The following HOMER1 variants were observed in gnomAD, a reference collection of about 807,000 sequenced individuals.
HOMER1 encodes the protein homer scaffold protein 1.
In HOMER1, 3 loss-of-function variants were observed where a neutral mutation model predicts 48.9. The ratio of observed to expected loss-of-function variants is 0.06; its 90% CI spans 0.03 to 0.16. The LOEUF is 0.16. HOMER1 is among the 10% of genes least tolerant of loss of function. HOMER1 has a pLI of 1.00. For synonymous variants in HOMER1, 134 were observed against 146.4 expected, an observed-to-expected ratio of 0.92 and a Z score of 0.61; for missense variants, 247 against 411.4, an observed-to-expected ratio of 0.60 and a Z score of 3.46.
chr5:79,490,946 T>C (rs376880477), intron 1 of HOMER1, among the ~76,000 whole-genome samples: 8 of 145,706 alleles, frequency 5.5e-5, no homozygotes, highest in African/African-American at 1.6e-4. Flanking sequence ...AGTAAATAAA[T>C]AGATAAATAG....
rs192888861 is a variant in HOMER1 at position 79,470,811 on chromosome 5, C to A, written c.6-13793G>T. Among the ~76,000 whole-genome samples the A allele has an allele frequency of 2.0e-5, 3 of 152,096 alleles. 1 individual carries two copies. The highest frequency in any genetic ancestry group is 2.0e-4 in the Admixed American group (3 of 15,264). ...ATGCATATCAAAAGCCACTATATAG[C>A]CATGAGAAAACAAAGTTGTAGCATA... is the stretch of plus-strand genomic sequence containing the variant. On this transcript the variant is annotated intron_variant, in intron 1 of 8. Transcript: ENST00000334082.
chr5:79,386,773 A>G (rs1397485700), intron 8 of HOMER1, among the ~76,000 whole-genome samples: 2 of 152,226 alleles, frequency 1.3e-5, no homozygotes, highest in Non-Finnish European at 2.9e-5. Context: ...AAACAAAGGC[A>G]AAAACAAAGT....
In HOMER1 at chr5:79,374,252, G is replaced by A. The variant is rs1186387373; in HGVS notation, c.*1757C>T. On this transcript the variant is annotated 3_prime_UTR_variant, in exon 9 of 9. Coordinates refer to ENST00000334082, the MANE Select transcript of HOMER1 (RefSeq NM_004272.5). Reference sequence around the variant, plus strand: ...TAAATTATTCTCCCTATAATATATAGGTGAGGAAAATATCCTAAAATAGAT... The same window carrying A: ...TAAATTATTCTCCCTATAATATATAAGTGAGGAAAATATCCTAAAATAGAT... The A allele has an allele frequency of 6.6e-6, 1 of 152,254 alleles. No homozygotes were observed. The highest frequency in any genetic ancestry group is 1.5e-5 in the Non-Finnish European group (1 of 67,826). 9.4% of individuals were successfully genotyped at this position (152,254 alleles called of 1,614,324 possible).
chr5:79,415,052 T>C (rs1378349925), intron 5 of HOMER1, among the ~76,000 whole-genome samples: 1 of 151,952 alleles, frequency 6.6e-6, no homozygotes, highest in Non-Finnish European at 1.5e-5. Context: ...GTAGAATAGT[T>C]TCTTGGTTTT....
intron 8 of HOMER1, among the ~76,000 whole-genome samples, chr5:79,391,015 T>A (rs1293529988): frequency 6.6e-6 from 1 of 151,738 alleles, no homozygotes; most frequent in East Asian, 1.9e-4. Context: ...TAAATCCCCT[T>A]TCAAAATGCT....
chr5:79,498,670 T>C (rs2112369217), intron 1 of HOMER1, among the ~76,000 whole-genome samples: 1 of 152,296 alleles, frequency 6.6e-6, no homozygotes, highest in South Asian at 2.1e-4. Flanking sequence ...CATAAGAGTT[T>C]GAAAGCTCTG....
At chr5:79,379,956 A>T (rs1418178134) in intron 8 of HOMER1, among the ~76,000 whole-genome samples, 1 of 152,198 alleles carries the variant, frequency 6.6e-6, no homozygotes, top group African/African-American at 2.4e-5. Flanking sequence ...GCTGACTAGA[A>T]GCAATTTGTA....
Position 79,490,119 on chromosome 5 carries a change from T to C in HOMER1, c.5+22651A>G, listed in dbSNP as rs563159066. The stretch of plus-strand genomic sequence containing the variant: ...TTTTCTATTAAGTCCACTGCTGTCA[T>C]ACTTCCAACATTTAGAAGAGTGCCA... On this transcript the variant is annotated intron_variant, in intron 1 of 8. Coordinates refer to ENST00000334082, the MANE Select transcript of HOMER1 (RefSeq NM_004272.5). Among the ~76,000 whole-genome samples the C allele has an allele frequency of 9.2e-5, 14 of 152,320 alleles. No individual in the cohort carries two copies. The East Asian group carries it at 2.7e-3, about 29-fold the overall frequency.
intron 1 of HOMER1, among the ~76,000 whole-genome samples, chr5:79,459,269 AAATCCTTACTC>A (rs1751252531): frequency 6.6e-6 from 1 of 152,214 alleles, no homozygotes; most frequent in South Asian, 2.1e-4. Context: ...ACCAATCAAC[AAATCCTTACTC>A]AATGGAAATG....
At chr5:79,512,471 T>A (rs1752969696) in intron 1 of HOMER1, among the ~76,000 whole-genome samples, 1 of 152,234 alleles carries the variant, frequency 6.6e-6, no homozygotes, top group South Asian at 2.1e-4. Flanking sequence ...TGATTTTGAT[T>A]ACAAACTGAT....
At chr5:79,406,703 G>T (rs1016477291) in intron 5 of HOMER1, among the ~76,000 whole-genome samples, 1 of 152,192 alleles carries the variant, frequency 6.6e-6, no homozygotes, top group South Asian at 2.1e-4. Context: ...GACCTGTTAT[G>T]GCTGGGGGCA....
intron 1 of HOMER1, among the ~76,000 whole-genome samples, chr5:79,479,599 G>C (rs1023803569): frequency 6.6e-6 from 1 of 152,192 alleles, no homozygotes; most frequent in Non-Finnish European, 1.5e-5. Context: ...CTGAAGGAGT[G>C]TGGGCTTCTC....
At chr5:79,415,410 G>A (rs1467969838) in intron 5 of HOMER1, among the ~76,000 whole-genome samples, 1 of 152,092 alleles carries the variant, frequency 6.6e-6, no homozygotes, top group Non-Finnish European at 1.5e-5. Flanking sequence ...AAATGATATC[G>A]AGGTGAAAAA....
At chr5:79,433,517 G>C (rs956968234) in intron 5 of HOMER1, among the ~76,000 whole-genome samples, 1 of 152,098 alleles carries the variant, frequency 6.6e-6, no homozygotes, top group Non-Finnish European at 1.5e-5. Flanking sequence ...GCAGTGAGCT[G>C]AGATCGCACC....
At chr5:79,403,590 A>C (rs1179008605) in intron 5 of HOMER1, among the ~76,000 whole-genome samples, 1 of 152,212 alleles carries the variant, frequency 6.6e-6, no homozygotes, top group Non-Finnish European at 1.5e-5. Flanking sequence ...AAAATGAAGG[A>C]AACAGGAAAT....
intron 1 of HOMER1, among the ~76,000 whole-genome samples, chr5:79,458,330 G>A (rs1751226975): frequency 6.6e-6 from 1 of 151,530 alleles, no homozygotes; most frequent in South Asian, 2.1e-4. Context: ...TCATTTCACT[G>A]CACATCTTTC....
intron 2 of HOMER1, among the ~76,000 whole-genome samples, chr5:79,451,860 C>T (rs1041516516): frequency 1.3e-5 from 2 of 152,008 alleles, no homozygotes; most frequent in African/African-American, 4.8e-5. Context: ...TGCGCCCGGC[C>T]GACACTGATT....
chr5:79,501,084 C>T (rs111431549), intron 1 of HOMER1, among the ~76,000 whole-genome samples: 2,865 of 152,148 alleles, frequency 0.019, 102 homozygotes, highest in African/African-American at 0.065. Context: ...CATCCTCCCA[C>T]CTTGGCCTCC....
intron 4 of HOMER1, among the ~76,000 whole-genome samples, chr5:79,444,706 C>T (rs1340827599): frequency 2.0e-5 from 3 of 152,208 alleles, no homozygotes; most frequent in Non-Finnish European, 4.4e-5. Flanking sequence ...ATCCATCACA[C>T]TTTTATTAAA....
Sources: allele counts gnomAD v4.1 joint callset (sites outside exome capture counted in the v4.1 genomes callset), GRCh38; gene constraint gnomAD v4.1.1; transcripts MANE v1.5; gene names NCBI Gene and HGNC (gene_info 2026-07-23, HGNC 2026-07-21).